COL5A2: variants seen among roughly 807,000 people sequenced by gnomAD.
The protein encoded by COL5A2 is collagen type V alpha 2 chain.
COL5A2 carries 23 observed loss-of-function variants against 208.2 expected under a neutral mutation model. The observed-to-expected ratio is 0.11, with a 90% CI of 0.08 to 0.16. The LOEUF is 0.16. Ranked by LOEUF, COL5A2 falls within the 10% of genes least tolerant of loss-of-function variation. The pLI is 1.00. For synonymous variants in COL5A2, 625 were observed against 628.5 expected (o/e 0.99, Z 0.08); for missense variants, 1,590 against 1,956.4 (o/e 0.81, Z 3.53).
chr2:189,339,743 T>C, the COL5A2 span, among the ~76,000 whole-genome samples: 1 of 152,110 alleles, frequency 6.6e-6, no homozygotes, highest in African/African-American at 2.4e-5. Context: ...AGGTGGTCAG[T>C]TAGGCAATCA....
intron 23 of COL5A2, 47 bp downstream of exon 23, chr2:189,066,343 A>G (rs1259604289): frequency 6.6e-7 from 1 of 1,520,916 alleles, no homozygotes; most frequent in Non-Finnish European, 9.1e-7. Flanking sequence ...ACTTACACAC[A>G]TAATTCCCTC....
chr2:189,357,935 C>T, the COL5A2 span, among the ~76,000 whole-genome samples: 1 of 151,954 alleles, frequency 6.6e-6, no homozygotes, highest in African/African-American at 2.4e-5. Flanking sequence ...GTGCACTGTT[C>T]CTCATGGCAC....
rs1433499844 is a variant in COL5A2 at position 189,092,409 on chromosome 2, T to C, written c.468A>G (p.Gly156=). 1.3e-6 allele frequency: 2 copies of C among 1,596,450 alleles called. No homozygotes were observed. The highest frequency in any genetic ancestry group is 1.7e-5 in the Admixed American group (1 of 58,158). The change falls in exon 7 of 54, where the codon GGA becomes GGG. Residue 156 remains glycine, a synonymous_variant. Coordinates refer to ENST00000374866, the MANE Select transcript of COL5A2 (RefSeq NM_000393.5). ...CTGGTTCTCCATCAATTCCCTGAGG[T>C]CCACGAGGGCCCTGGAAAACAAGCC... ...RGPKGRPGPR[G]PQGIDGEPGV... is the part of the protein sequence containing the mutation.
Position 189,032,375 on chromosome 2 carries a change from C to G in COL5A2, c.*1695G>C, listed in dbSNP as rs1439337242. The stretch of plus-strand genomic sequence containing the variant: ...TTGTAGATAGATTTTCATTTATAAG[C>G]CAGTACATACATGATAGAAGGTATC... On this transcript the variant is annotated 3_prime_UTR_variant, in exon 54 of 54. Coordinates refer to ENST00000374866, the MANE Select transcript of COL5A2 (RefSeq NM_000393.5). 6.6e-6 allele frequency: 1 copy of G among 152,016 alleles called. No individual in the cohort carries two copies. 9.4% of individuals were successfully genotyped at this position (152,016 alleles called of 1,614,324 possible). A position where few individuals can be genotyped will look rare whatever the true frequency, so the allele number is the denominator to read the frequency against.
chr2:189,374,228 G>C, the COL5A2 span, among the ~76,000 whole-genome samples: 12 of 152,146 alleles, frequency 7.9e-5, no homozygotes, highest in East Asian at 2.1e-3. Context: ...GTAAGGCACA[G>C]GTTTCTCTAA....
chr2:189,123,573 C>A (rs1295928236), intron 1 of COL5A2, among the ~76,000 whole-genome samples: 1 of 152,102 alleles, frequency 6.6e-6, no homozygotes, highest in African/African-American at 2.4e-5. Flanking sequence ...GTTTGTGGTA[C>A]TTTGTTATCA....
At chr2:189,063,121 T>C (rs1485286645) in intron 27 of COL5A2, 51 bp downstream of exon 27, 1 of 1,611,440 alleles carries the variant, frequency 6.2e-7, no homozygotes, top group Non-Finnish European at 8.5e-7. Context: ...ACATACCTCC[T>C]CCAAATGAGG....
At chr2:189,224,340 G>A (rs1689385239) in intron 1 of COL5A2, among the ~76,000 whole-genome samples, 1 of 151,872 alleles carries the variant, frequency 6.6e-6, no homozygotes, top group Non-Finnish European at 1.5e-5. Context: ...TTTAGAGAGA[G>A]GTAAAATATA....
intron 1 of COL5A2, among the ~76,000 whole-genome samples, chr2:189,143,073 G>A (rs1687966476): frequency 6.6e-6 from 1 of 152,122 alleles, no homozygotes; most frequent in Admixed American, 6.6e-5. Flanking sequence ...GCCACACAGA[G>A]TATGCAGTGT....
intron 1 of COL5A2, among the ~76,000 whole-genome samples, chr2:189,168,852 T>C (rs978934091): frequency 1.3e-5 from 2 of 152,250 alleles, no homozygotes; most frequent in Non-Finnish European, 2.9e-5. Context: ...CCCATCATTT[T>C]TTATTATGAA....
chr2:189,201,173 C>A (rs1298983205), intron 1 of COL5A2, among the ~76,000 whole-genome samples: 1 of 151,814 alleles, frequency 6.6e-6, no homozygotes, highest in Non-Finnish European at 1.5e-5. Context: ...AAAGGTAGAA[C>A]AAAAGATGTG....
chr2:189,133,380 A>G (rs557253009), intron 1 of COL5A2, among the ~76,000 whole-genome samples: 1 of 151,880 alleles, frequency 6.6e-6, no homozygotes, highest in South Asian at 2.1e-4. Context: ...CGGCCCCCCA[A>G]CAAGTGCTGG....
At chr2:189,372,700 C>G in the COL5A2 span, among the ~76,000 whole-genome samples, 1 of 152,030 alleles carries the variant, frequency 6.6e-6, no homozygotes, top group Non-Finnish European at 1.5e-5. Context: ...ATTTTACAAA[C>G]AGCATATATA....
chr2:189,411,102 C>T, the COL5A2 span, among the ~76,000 whole-genome samples: 1 of 152,028 alleles, frequency 6.6e-6, no homozygotes, highest in Admixed American at 6.6e-5. Flanking sequence ...ATTCTGCTAC[C>T]TGGAAAATAC....
chr2:189,428,825 A>G, the COL5A2 span, among the ~76,000 whole-genome samples: 3 of 152,302 alleles, frequency 2.0e-5, no homozygotes, highest in South Asian at 6.2e-4. Context: ...ATTATCCAGT[A>G]CCAGCTATTT....
intron 1 of COL5A2, among the ~76,000 whole-genome samples, chr2:189,197,951 G>A (rs1461247468): frequency 6.6e-6 from 1 of 151,370 alleles, no homozygotes; most frequent in African/African-American, 2.4e-5. Context: ...CCAGGTTCAC[G>A]CCATTCTCGT....
chr2:189,150,839 TC>T (rs1432597094), intron 1 of COL5A2, among the ~76,000 whole-genome samples: 2 of 152,130 alleles, frequency 1.3e-5, no homozygotes, highest in Admixed American at 1.3e-4. Context: ...TTCTATAGCA[TC>T]CATAAGTGGC....
At chr2:189,044,111 C>A (rs376739055) in intron 47 of COL5A2, among the ~76,000 whole-genome samples, 3 of 152,038 alleles carry the variant, frequency 2.0e-5, no homozygotes, top group Non-Finnish European at 4.4e-5. Context: ...ACTATAGAAC[C>A]GGATTCTGTT....
chr2:189,141,372 C>T (rs1443045488), intron 1 of COL5A2, among the ~76,000 whole-genome samples: 1 of 152,036 alleles, frequency 6.6e-6, no homozygotes, highest in Non-Finnish European at 1.5e-5. Flanking sequence ...CCTATTTTGC[C>T]TTATTACATA....
Sources: allele counts gnomAD v4.1 joint callset (sites outside exome capture counted in the v4.1 genomes callset), GRCh38; gene constraint gnomAD v4.1.1; transcripts MANE v1.5; gene names NCBI Gene and HGNC (gene_info 2026-07-23, HGNC 2026-07-21).